SRPK2: variants seen among roughly 807,000 people sequenced by gnomAD.
The protein encoded by SRPK2 is SFRS protein kinase 2.
SRPK2 carries 21 observed loss-of-function variants against 90.8 expected under a neutral mutation model. The observed-to-expected ratio is 0.23, with a 90% CI of 0.16 to 0.33. SRPK2 has a LOEUF of 0.33. SRPK2 is among the 10% of genes least tolerant of loss of function. The pLI, the probability that SRPK2 is intolerant of heterozygous loss-of-function variation, is 1.00. For synonymous variants in SRPK2, 288 were observed against 311.1 expected (o/e 0.93, Z 0.78); for missense variants, 620 against 869.0 (o/e 0.71, Z 3.60).
At chr7:105,281,151 T>G (rs149671812) in intron 2 of SRPK2, among the ~76,000 whole-genome samples, 1 of 151,424 alleles carries the variant, frequency 6.6e-6, no homozygotes, top group African/African-American at 2.4e-5. Context: ...GGCTGGAGTA[T>G]AGTAGCGCGA....
At chr7:105,258,623 C>T (rs141611948) in intron 2 of SRPK2, among the ~76,000 whole-genome samples, 4 of 152,096 alleles carry the variant, frequency 2.6e-5, no homozygotes, top group South Asian at 2.1e-4. Flanking sequence ...AACACTGATG[C>T]GAAAATCCTC....
intron 3 of SRPK2, among the ~76,000 whole-genome samples, chr7:105,176,093 C>A (rs2129593556): frequency 6.6e-6 from 1 of 152,200 alleles, no homozygotes; most frequent in South Asian, 2.1e-4. Flanking sequence ...TTCAACAAAT[C>A]AAATCAAATA....
At chr7:105,273,540 C>G (rs2130618279) in intron 2 of SRPK2, among the ~76,000 whole-genome samples, 1 of 152,018 alleles carries the variant, frequency 6.6e-6, no homozygotes, top group East Asian at 1.9e-4. Context: ...ATTCTCCTGC[C>G]TCAGCCCCCC....
chr7:105,313,065 T>G (rs957438972), intron 2 of SRPK2, among the ~76,000 whole-genome samples: 1 of 151,430 alleles, frequency 6.6e-6, no homozygotes, highest in African/African-American at 2.4e-5. Context: ...GGCAATAACA[T>G]CACAAAAGAC....
At chr7:105,239,140 A>C (rs1411328413) in intron 2 of SRPK2, among the ~76,000 whole-genome samples, 1 of 152,244 alleles carries the variant, frequency 6.6e-6, no homozygotes, top group East Asian at 1.9e-4. Flanking sequence ...CCTGATTAGG[A>C]AACCCTACTC....
At chr7:105,389,156 A>C (rs2132876045), upstream of SRPK2, 1 of 1,001,028 alleles carries the variant, frequency 1.0e-6, no homozygotes, top group Non-Finnish European at 1.2e-6. Context: ...GCCTCCTGCG[A>C]TCCTGCGGCT....
chr7:105,280,770 A>G (rs1807181901), intron 2 of SRPK2, among the ~76,000 whole-genome samples: 2 of 150,712 alleles, frequency 1.3e-5, no homozygotes, highest in African/African-American at 2.4e-5. Context: ...ACACAGTGAA[A>G]CCCCGTCTCT....
At chr7:105,316,428 C>T (rs1314505964) in intron 2 of SRPK2, among the ~76,000 whole-genome samples, 2 of 152,192 alleles carry the variant, frequency 1.3e-5, no homozygotes, top group South Asian at 4.1e-4. Flanking sequence ...CTCACTTACA[C>T]TACTTTACCT....
chr7:105,388,329 G>C (rs1457949424), intron 2 of SRPK2, among the ~76,000 whole-genome samples: 1 of 151,210 alleles, frequency 6.6e-6, no homozygotes, highest in Non-Finnish European at 1.5e-5. Context: ...GGGCCAGCTC[G>C]CGGGCAAGGG....
At chr7:105,132,162 T>G (rs995682548) in intron 13 of SRPK2, among the ~76,000 whole-genome samples, 3 of 152,310 alleles carry the variant, frequency 2.0e-5, no homozygotes, top group African/African-American at 7.2e-5. Flanking sequence ...TCTCAACCAC[T>G]CTGGGAACAG....
intron 2 of SRPK2, among the ~76,000 whole-genome samples, chr7:105,243,740 CAAAAAA>C (rs781172281): frequency 6.7e-6 from 1 of 149,940 alleles, no homozygotes; most frequent in African/African-American, 2.5e-5. Flanking sequence ...TGCAGCAAGA[CAAAAAA>C]AAATTTTAAT....
intron 11 of SRPK2, among the ~76,000 whole-genome samples, chr7:105,137,356 T>C (rs538263419): frequency 6.1e-4 from 93 of 152,218 alleles, no homozygotes; most frequent in African/African-American, 1.2e-3. Flanking sequence ...GGAAACACAA[T>C]GGAGATCATG....
intron 3 of SRPK2, among the ~76,000 whole-genome samples, chr7:105,201,938 CT>C (rs1274101977): frequency 6.6e-6 from 1 of 152,156 alleles, no homozygotes; most frequent in Admixed American, 6.5e-5. Context: ...GAACCTAATG[CT>C]GGGCCTCAGC....
chr7:105,293,451 TTG>T (rs1239294020), intron 2 of SRPK2, among the ~76,000 whole-genome samples: 1 of 124,848 alleles, frequency 8.0e-6, no homozygotes, highest in African/African-American at 3.5e-5. Context: ...ATTTCCTTTT[TTG>T]TGGGGGGGTG....
rs577480746 is a variant in SRPK2, at chr7:105,218,985, A to T, written c.72-15200T>A. ...AGAGAAGAGATGACAACTAGAAAGA[A>T]CATAAGCAGCTATAAGCAAAAGTGG... is the stretch of plus-strand genomic sequence containing the variant. On this transcript the variant is annotated intron_variant, in intron 2 of 15. Coordinates refer to ENST00000393651, the MANE Select transcript of SRPK2 (RefSeq NM_182692.3). Among the ~76,000 whole-genome samples the T allele has an allele frequency of 3.3e-5, 5 of 152,312 alleles. No individual in the cohort carries two copies. In the South Asian group the frequency reaches 1.0e-3, roughly 32 times the overall value.
intron 6 of SRPK2, among the ~76,000 whole-genome samples, chr7:105,167,128 C>T (rs1164141349): frequency 6.6e-6 from 1 of 152,022 alleles, no homozygotes; most frequent in Non-Finnish European, 1.5e-5. Context: ...GGGAAGAGAT[C>T]AATAATTAAT....
intron 2 of SRPK2, among the ~76,000 whole-genome samples, chr7:105,360,649 G>A (rs1818320018): frequency 6.6e-6 from 1 of 152,136 alleles, no homozygotes; most frequent in African/African-American, 2.4e-5. Flanking sequence ...GGCTGGATAT[G>A]AAATTCTGGG....
intron 2 of SRPK2, among the ~76,000 whole-genome samples, chr7:105,242,936 T>C (rs1801012292): frequency 6.6e-6 from 1 of 152,240 alleles, no homozygotes; most frequent in African/African-American, 2.4e-5. Context: ...TCTACTTCTG[T>C]ATTTTATTAA....
chr7:105,259,758 C>T (rs894001225), intron 2 of SRPK2, among the ~76,000 whole-genome samples: 14 of 152,294 alleles, frequency 9.2e-5, no homozygotes, highest in African/African-American at 3.1e-4. Context: ...TAATCTTTGA[C>T]AAACCTGACA....
Sources: gnomAD v4.1 joint callset for allele counts (sites outside exome capture counted in the v4.1 genomes callset) on GRCh38, gnomAD v4.1.1 for gene constraint, MANE v1.5 for transcripts, NCBI Gene and HGNC (gene_info 2026-07-23, HGNC 2026-07-21) for gene names.